The following LRRC69 variants were observed in gnomAD, a reference collection of about 807,000 sequenced individuals.
The protein encoded by LRRC69 is leucine rich repeat containing 69.
LRRC69 carries 42 observed loss-of-function variants against 37.8 expected under a neutral mutation model. The ratio of observed to expected loss-of-function variants is 1.11; its 90% CI spans 0.87 to 1.44. LRRC69 has a LOEUF of 1.44. Ranked by LOEUF, LRRC69 falls within the 40% of genes most tolerant of loss-of-function variation. LRRC69 has a pLI of 0.00. For missense variants in LRRC69, 357 were observed against 401.9 expected, an observed-to-expected ratio of 0.89 and a Z score of 0.96; for synonymous variants, 141 against 143.1, an observed-to-expected ratio of 0.99 and a Z score of 0.11.
At chr8:91,132,698 A>G (rs1813827597) in intron 3 of LRRC69, among the ~76,000 whole-genome samples, 1 of 151,992 alleles carries the variant, frequency 6.6e-6, no homozygotes, top group Admixed American at 6.6e-5. Flanking sequence ...CAGTACTCAT[A>G]TCTATTTGGT....
At chr8:91,150,662 A>G (rs1287853093) in intron 5 of LRRC69, among the ~76,000 whole-genome samples, 1 of 151,390 alleles carries the variant, frequency 6.6e-6, no homozygotes, top group African/African-American at 2.4e-5. Context: ...AAGGAATGGT[A>G]CCAGCTCCTC....
At chr8:91,141,867 T>C (rs2130530257) in intron 5 of LRRC69, among the ~76,000 whole-genome samples, 1 of 152,072 alleles carries the variant, frequency 6.6e-6, no homozygotes, top group Non-Finnish European at 1.5e-5. Context: ...TCATAACTTT[T>C]GATGATGGGG....
chr8:91,158,536 A>G lies in LRRC69; in HGVS notation c.651+22797A>G, dbSNP rs1466527216. ...CCAATGGGCGATGAAATAGACTTAC[A>G]CACTGTACATTTTCACGGCCATAGC... On this transcript the variant is annotated intron_variant, in intron 5 of 7. Coordinates refer to ENST00000448384, the Ensembl canonical transcript of LRRC69. 7 of 1,136,140 alleles carry G rather than the reference A, an allele frequency of 6.2e-6. No individual in the cohort carries two copies. In the Admixed American group the frequency reaches 8.5e-5, roughly 14 times the overall value. 70.4% of individuals were successfully genotyped at this position (1,136,140 alleles called of 1,614,324 possible).
chr8:91,107,176 C>T (rs1173088312), intron 1 of LRRC69, among the ~76,000 whole-genome samples: 2 of 151,590 alleles, frequency 1.3e-5, no homozygotes, highest in East Asian at 3.9e-4. Flanking sequence ...GCTCTGTCAC[C>T]CAGGCTGGAG....
intron 1 of LRRC69, among the ~76,000 whole-genome samples, chr8:91,113,373 G>A (rs1031119255): frequency 3.3e-5 from 5 of 152,008 alleles, no homozygotes; most frequent in Non-Finnish European, 5.9e-5. Context: ...CAGACACATA[G>A]ACCAATGGGA....
chr8:91,150,346 G>A (rs1193005500), intron 5 of LRRC69, among the ~76,000 whole-genome samples: 2 of 151,956 alleles, frequency 1.3e-5, no homozygotes, highest in Non-Finnish European at 2.9e-5. Context: ...AGATAATCAT[G>A]TGGTTTTTGT....
At chr8:91,167,795 C>G (rs2130575981) in intron 5 of LRRC69, among the ~76,000 whole-genome samples, 1 of 151,916 alleles carries the variant, frequency 6.6e-6, no homozygotes, top group Non-Finnish European at 1.5e-5. Flanking sequence ...GTGATAGTAG[C>G]CTTAGCACCA....
At chr8:91,121,588 G>T (rs1225882868) in intron 1 of LRRC69, among the ~76,000 whole-genome samples, 1 of 151,896 alleles carries the variant, frequency 6.6e-6, no homozygotes, top group Non-Finnish European at 1.5e-5. Flanking sequence ...TCTAAGACAG[G>T]TTCTCCTGAT....
intron 5 of LRRC69, among the ~76,000 whole-genome samples, chr8:91,145,377 C>G (rs1808599789): frequency 6.6e-6 from 1 of 151,842 alleles, no homozygotes. Flanking sequence ...TGCCTCATCC[C>G]CATTGTTGTT....
chr8:91,157,393 A>G (rs1808855235), intron 5 of LRRC69: 1 of 1,607,700 alleles, frequency 6.2e-7, no homozygotes, highest in African/African-American at 1.3e-5. Flanking sequence ...TCTAGCTAAG[A>G]TGTATTATTC....
At chr8:91,130,607 G>A (rs1410305089) in intron 3 of LRRC69, among the ~76,000 whole-genome samples, 5 of 152,046 alleles carry the variant, frequency 3.3e-5, no homozygotes, top group South Asian at 4.1e-4. Context: ...ATTTCATTGC[G>A]TGAATATGCC....
At chr8:91,147,509 A>G (rs745430736) in intron 5 of LRRC69, among the ~76,000 whole-genome samples, 7 of 151,450 alleles carry the variant, frequency 4.6e-5, no homozygotes, top group Non-Finnish European at 1.0e-4. Flanking sequence ...AGCTTAAGCT[A>G]TCTTCCCACT....
At position 91,162,508 on chromosome 8, in the gene LRRC69, C is replaced by T. The variant is rs371101896; in HGVS notation, c.651+26769C>T. Reference sequence around the variant, plus strand: ...AATCCCTTTATCATTATATAATGACCTTCTTTGTTCCTTTTTATATTTTTT... The same window carrying T: ...AATCCCTTTATCATTATATAATGACTTTCTTTGTTCCTTTTTATATTTTTT... On this transcript the variant is annotated intron_variant, in intron 5 of 7. Coordinates refer to ENST00000448384, the Ensembl canonical transcript of LRRC69. 2.0e-5 allele frequency among the ~76,000 whole-genome samples: 3 copies of T among 151,252 alleles called. No homozygotes were observed. In the East Asian group the frequency reaches 5.9e-4, roughly 30 times the overall value.
At chr8:91,158,529 G>C in intron 5 of LRRC69, 1 of 1,132,602 alleles carries the variant, frequency 8.8e-7, no homozygotes. Context: ...CGATGAAATA[G>C]ACTTACACAC....
chr8:91,201,462 G>A (rs1809709723), intron 7 of LRRC69, among the ~76,000 whole-genome samples: 1 of 151,804 alleles, frequency 6.6e-6, no homozygotes, highest in Non-Finnish European at 1.5e-5. Flanking sequence ...CTTTACTTGT[G>A]AATTTAAATT....
At chr8:91,118,898 C>T (rs1023188664) in intron 1 of LRRC69, among the ~76,000 whole-genome samples, 2 of 152,048 alleles carry the variant, frequency 1.3e-5, no homozygotes, top group Admixed American at 6.6e-5. Flanking sequence ...TCAAAGCATT[C>T]CAAATATCTT....
intron 5 of LRRC69, among the ~76,000 whole-genome samples, chr8:91,167,939 C>G (rs188558215): frequency 1.4e-4 from 22 of 152,026 alleles, no homozygotes; most frequent in Non-Finnish European, 2.9e-4. Context: ...TTAAATTCCC[C>G]AAGTCTCAAT....
chr8:91,108,040 G>A (rs1813349717), intron 1 of LRRC69, among the ~76,000 whole-genome samples: 1 of 152,050 alleles, frequency 6.6e-6, no homozygotes, highest in South Asian at 2.1e-4. Context: ...CTCTAATTGT[G>A]TGCAGCATTG....
chr8:91,140,140 A>G (rs1027338965), intron 5 of LRRC69, among the ~76,000 whole-genome samples: 1 of 150,872 alleles, frequency 6.6e-6, no homozygotes, highest in African/African-American at 2.4e-5. Context: ...TCCATAAGGC[A>G]TTATCAATGT....
Sources: gnomAD v4.1 joint callset for allele counts (sites outside exome capture counted in the v4.1 genomes callset) on GRCh38, gnomAD v4.1.1 for gene constraint, MANE v1.5 for transcripts, NCBI Gene and HGNC (gene_info 2026-07-23, HGNC 2026-07-21) for gene names.